The following TMTC2 variants were observed in gnomAD, a reference collection of about 807,000 sequenced individuals.
The protein encoded by TMTC2 is protein O-mannosyl-transferase TMTC2.
TMTC2 carries 43 observed loss-of-function variants against 82.4 expected under a neutral mutation model. The observed-to-expected ratio is 0.52, with a 90% CI of 0.41 to 0.67. TMTC2 has a LOEUF of 0.67. Ranked by LOEUF, TMTC2 falls within the 30% of genes least tolerant of loss-of-function variation. The probability of loss-of-function intolerance (pLI) is 0.00; values close to 1 mark genes in which losing one functional copy is unlikely to be tolerated. For missense variants in TMTC2, 919 were observed against 1,012.4 expected (o/e 0.91, Z 1.25); for synonymous variants, 408 against 381.9 (o/e 1.07, Z -0.80).
chr12:82,856,946 A>ATT, intron 1 of TMTC2, 64 bp from the exon 2 acceptor site: 48 of 1,452,308 alleles, frequency 3.3e-5, no homozygotes, highest in Non-Finnish European at 4.4e-5. Flanking sequence ...TATCTTATCA[A>ATT]TGTCATATTT....
At chr12:83,042,420 C>G (rs1474458903) in intron 9 of TMTC2, among the ~76,000 whole-genome samples, 2 of 152,176 alleles carry the variant, frequency 1.3e-5, no homozygotes, top group East Asian at 3.9e-4. Context: ...TAGTTGCATC[C>G]TTCTCTTCCT....
At chr12:82,971,782 A>G (rs1878456234) in intron 7 of TMTC2, among the ~76,000 whole-genome samples, 1 of 147,830 alleles carries the variant, frequency 6.8e-6, no homozygotes, top group African/African-American at 2.5e-5. Context: ...TTCAGTCTAT[A>G]ATAACTGTTT....
intron 1 of TMTC2, among the ~76,000 whole-genome samples, chr12:82,831,724 A>G (rs1268431266): frequency 1.3e-5 from 2 of 152,034 alleles, no homozygotes; most frequent in African/African-American, 4.8e-5. Flanking sequence ...ATTAATCTCA[A>G]TCCTTTAATT....
intron 7 of TMTC2, among the ~76,000 whole-genome samples, chr12:82,975,348 G>T (rs2137319444): frequency 6.6e-6 from 1 of 152,188 alleles, no homozygotes; most frequent in South Asian, 2.1e-4. Flanking sequence ...CTGTCATTTA[G>T]TTTTAATTTT....
chr12:82,918,554 C>T (rs1875159690), intron 3 of TMTC2, among the ~76,000 whole-genome samples: 1 of 152,084 alleles, frequency 6.6e-6, no homozygotes. Context: ...GAATGAGAGT[C>T]CTTACCACAT....
chr12:82,844,801 C>CAA (rs550857198), intron 1 of TMTC2, among the ~76,000 whole-genome samples: 1 of 121,340 alleles, frequency 8.2e-6, no homozygotes. Flanking sequence ...GACTCCGTCT[C>CAA]AAAAAAAAAA....
intron 4 of TMTC2, among the ~76,000 whole-genome samples, chr12:82,948,156 A>G (rs1175192705): frequency 2.0e-5 from 3 of 152,234 alleles, no homozygotes; most frequent in African/African-American, 4.8e-5. Flanking sequence ...ACTTGAGCCC[A>G]GAAGTTCAAG....
intron 4 of TMTC2, among the ~76,000 whole-genome samples, chr12:82,937,882 G>A (rs1028473712): frequency 1.1e-4 from 16 of 148,070 alleles, no homozygotes; most frequent in Admixed American, 2.7e-4. Context: ...AAGATGTGGT[G>A]AAGAATTGAC....
At chr12:82,824,385 C>T (rs1869289611) in intron 1 of TMTC2, among the ~76,000 whole-genome samples, 1 of 152,188 alleles carries the variant, frequency 6.6e-6, no homozygotes, top group African/African-American at 2.4e-5. Flanking sequence ...AAAATTTACA[C>T]CATTCATTAT....
At position 82,836,247 on chromosome 12, in the gene TMTC2, A is replaced by T. The variant is rs111402612; in HGVS notation, c.84-20763A>T. 4.1e-3 allele frequency among the ~76,000 whole-genome samples: 629 copies of T among 152,326 alleles called. 3 individuals carry two copies. Among genetic ancestry groups the T allele is most frequent in the African/African-American group, 0.014 (589 of 41,568 alleles). Reference sequence around the variant, plus strand: ...TGAGACACTTAGTGGCCTTCCAAAGATATCCACATCCTTATCCTCAGCACC... The same window carrying T: ...TGAGACACTTAGTGGCCTTCCAAAGTTATCCACATCCTTATCCTCAGCACC... On this transcript the variant is annotated intron_variant, in intron 1 of 11. Coordinates refer to ENST00000321196, the MANE Select transcript of TMTC2 (RefSeq NM_152588.3).
At chr12:82,936,848 A>G (rs1876346610) in intron 4 of TMTC2, among the ~76,000 whole-genome samples, 1 of 152,142 alleles carries the variant, frequency 6.6e-6, no homozygotes, top group Non-Finnish European at 1.5e-5. Context: ...CTTATTCATT[A>G]TTGTATCCCC....
intron 8 of TMTC2, among the ~76,000 whole-genome samples, chr12:82,997,221 C>CTCTCTCTCTCTCTCTCTCTA (rs1451262969): frequency 8.4e-6 from 1 of 118,512 alleles, no homozygotes; most frequent in African/African-American, 3.7e-5. Flanking sequence ...CTCTCTCTCT[C>CTCTCTCTCTCTCTCTCTCTA]TATATATATA....
At chr12:83,040,679 CTTTTTT>C (rs750327519) in intron 9 of TMTC2, among the ~76,000 whole-genome samples, 5 of 124,204 alleles carry the variant, frequency 4.0e-5, no homozygotes, top group African/African-American at 9.1e-5. Context: ...CTGTCCTTTT[CTTTTTT>C]TTTTTTTTTT....
intron 3 of TMTC2, among the ~76,000 whole-genome samples, chr12:82,911,409 T>G (rs956825760): frequency 6.7e-6 from 1 of 148,850 alleles, no homozygotes; most frequent in African/African-American, 2.5e-5. Context: ...CAGCACTCTG[T>G]TATCATCATC....
chr12:82,752,705 G>C (rs1194756321), intron 1 of TMTC2, among the ~76,000 whole-genome samples: 2 of 151,808 alleles, frequency 1.3e-5, no homozygotes, highest in Non-Finnish European at 2.9e-5. Context: ...TAGTGGACAT[G>C]AGTAAACATC....
chr12:82,687,359 T>G lies in TMTC2; in HGVS notation c.-228T>G. On this transcript the variant is annotated 5_prime_UTR_variant, in exon 1 of 12. Coordinates refer to ENST00000321196, the MANE Select transcript of TMTC2 (RefSeq NM_152588.3). The stretch of plus-strand genomic sequence containing the variant: ...GCTTGCGGGCGCCGGGCATGGGGAG[T>G]GTGGTGTGAGCCCGCACCCGGGGAG... The G allele has an allele frequency of 1.7e-5, 9 of 544,366 alleles. No homozygotes were observed. Among genetic ancestry groups the G allele is most frequent in the South Asian group, 6.5e-5 (3 of 46,192 alleles). The allele number at this position is 544,366 out of a possible 1,614,324, so 33.7% of individuals were successfully genotyped here.
chr12:82,760,960 A>G (rs537483195), intron 1 of TMTC2: 38 of 203,446 alleles, frequency 1.9e-4, no homozygotes, highest in African/African-American at 8.1e-4. Context: ...TTATTTTATT[A>G]TATATTATAA....
At chr12:82,804,973 G>A (rs1879175828) in intron 1 of TMTC2, among the ~76,000 whole-genome samples, 1 of 152,102 alleles carries the variant, frequency 6.6e-6, no homozygotes, top group Non-Finnish European at 1.5e-5. Flanking sequence ...TTTATAGAAA[G>A]GGTACACTCT....
chr12:82,761,973 T>C (rs1402617193), intron 1 of TMTC2, among the ~76,000 whole-genome samples: 1 of 144,180 alleles, frequency 6.9e-6, no homozygotes, highest in Non-Finnish European at 1.5e-5. Context: ...TTTCCTTTTT[T>C]TTTTTTTTTT....
Sources: allele counts gnomAD v4.1 joint callset (sites outside exome capture counted in the v4.1 genomes callset), GRCh38; gene constraint gnomAD v4.1.1; transcripts MANE v1.5; gene names NCBI Gene and HGNC (gene_info 2026-07-23, HGNC 2026-07-21).